The following RAB40C variants were observed in gnomAD, a reference collection of about 807,000 sequenced individuals.
The protein encoded by RAB40C is RAB40C, member RAS oncogene family, also known as ras-related protein Rab-40C.
In RAB40C, 8 loss-of-function variants were observed where a neutral mutation model predicts 28.1. That is an observed-to-expected ratio of 0.28 (90% CI 0.17 to 0.51). The LOEUF (loss-of-function observed/expected upper bound fraction) is 0.51. Among genes scored for constraint, RAB40C ranks in the 20% least tolerant of loss-of-function variants. The probability of loss-of-function intolerance (pLI) is 0.97; values close to 1 mark genes in which losing one functional copy is unlikely to be tolerated. For missense variants in RAB40C, 288 were observed against 405.9 expected, an observed-to-expected ratio of 0.71 and a Z score of 2.50; for synonymous variants, 201 against 171.7, an observed-to-expected ratio of 1.17 and a Z score of -1.34.
chr16:627,767 G>T lies in RAB40C; in HGVS notation c.*145G>T. On this transcript the variant is annotated 3_prime_UTR_variant, in exon 6 of 6. Coordinates refer to ENST00000248139, the MANE Select transcript of RAB40C (RefSeq NM_021168.5). Reference sequence around the variant, plus strand: ...CGGGCTTTCCTCACACCTGAGCCGGGTGCGAGGAGGAGCATGCACGGACCA... The same window carrying T: ...CGGGCTTTCCTCACACCTGAGCCGGTTGCGAGGAGGAGCATGCACGGACCA... 5.6e-6 allele frequency: 6 copies of T among 1,080,838 alleles called. No individual in the cohort carries two copies. Among genetic ancestry groups the T allele is most frequent in the Non-Finnish European group, 7.6e-6 (6 of 788,750 alleles). The allele number at this position is 1,080,838 out of a possible 1,614,324, so 67.0% of individuals were successfully genotyped here. A position where few individuals can be genotyped will look rare whatever the true frequency, so the allele number is the denominator to read the frequency against.
chr16:606,071 G>A (rs926210834), intron 1 of RAB40C, among the ~76,000 whole-genome samples: 1 of 152,224 alleles, frequency 6.6e-6, no homozygotes, highest in African/African-American at 2.4e-5. Context: ...GCAATAGATG[G>A]CCTTTCTACT....
At chr16:594,344 G>C (rs575461582) in intron 1 of RAB40C, among the ~76,000 whole-genome samples, 1 of 152,172 alleles carries the variant, frequency 6.6e-6, no homozygotes, top group South Asian at 2.1e-4. Context: ...GGGGAGAAAC[G>C]GAGGGAGGCG....
intron 3 of RAB40C, among the ~76,000 whole-genome samples, chr16:621,941 G>T (rs1190665742): frequency 6.6e-6 from 1 of 152,168 alleles, no homozygotes; most frequent in Non-Finnish European, 1.5e-5. Flanking sequence ...GAGTGGGCGC[G>T]GCTTGGCAGT....
intron 1 of RAB40C, among the ~76,000 whole-genome samples, chr16:604,001 T>TTCC (rs1199361490): frequency 6.6e-6 from 1 of 152,232 alleles, no homozygotes; most frequent in East Asian, 1.9e-4. Context: ...TTTGGGTTAT[T>TTCC]TCCTGGTTTG....
chr16:590,555 C>G (rs981401498), intron 1 of RAB40C, 122 bp downstream of exon 1: 2 of 1,269,856 alleles, frequency 1.6e-6, no homozygotes, highest in Admixed American at 4.1e-5. Context: ...ACGCCTTTGC[C>G]TGGCTTCCAG....
chr16:627,400 C>T lies in RAB40C; in HGVS notation c.624C>T (p.Leu208=). ...TCGTCTCCTGCACCCCCGTGCACCT[C>T]ATCGACAAGCTTCCACTGCCCGTCA... ...RAIVSCTPVH[L]IDKLPLPVTI... The change falls in exon 6 of 6, where the codon CTC becomes CTT. Residue 208 remains leucine, a synonymous_variant. Transcript: ENST00000248139. 1.2e-6 allele frequency: 2 copies of T among 1,613,980 alleles called. No homozygotes were observed. Among genetic ancestry groups the T allele is most frequent in the Non-Finnish European group, 1.7e-6 (2 of 1,180,004 alleles).
At position 619,652 on chromosome 16, in the gene RAB40C, T is replaced by C. The variant is rs1023868600; in HGVS notation, c.264+1392T>C. Among the ~76,000 whole-genome samples the C allele has an allele frequency of 4.6e-5, 7 of 152,204 alleles. No homozygotes were observed. The East Asian group carries it at 7.7e-4, about 17-fold the overall frequency. ...CCCCTCCGGGGCCAGTTCGTGAGCC[T>C]GGAGCCCCCCATGTGGGCCCAGGGA... is the stretch of plus-strand genomic sequence containing the variant. On this transcript the variant is annotated intron_variant, in intron 3 of 5. Transcript: ENST00000248139.
intron 1 of RAB40C, among the ~76,000 whole-genome samples, chr16:614,296 ACTG>A (rs552730205): frequency 0.01 from 1,451 of 138,356 alleles, 23 homozygotes; most frequent in Non-Finnish European, 0.018. Context: ...CCGATGGTGA[ACTG>A]CTAACTCTGC....
rs1281112534 is a variant in RAB40C, at chr16:610,954, A to G, written c.143-6254A>G. Among the ~76,000 whole-genome samples, 1 of 152,178 alleles carries G rather than the reference A, an allele frequency of 6.6e-6. No individual in the cohort carries two copies. The highest frequency in any genetic ancestry group is 1.5e-5 in the Non-Finnish European group (1 of 68,030). On this transcript the variant is annotated intron_variant, in intron 1 of 5. Transcript: ENST00000248139. This position sits in a 1 kb window ranked among gnomAD's most constrained non-coding sequence, Gnocchi z 4.6. ...ACAAGACACTCGGCTGACTGTGCTT[A>G]GAGAACAGGCCGCTGTTTGTGTCTA... is the stretch of plus-strand genomic sequence containing the variant.
intron 1 of RAB40C, among the ~76,000 whole-genome samples, chr16:608,262 C>T (rs1016684654): frequency 7.9e-5 from 12 of 152,132 alleles, no homozygotes; most frequent in African/African-American, 2.9e-4. Context: ...CGGGAGAACT[C>T]ACTCACCCGC....
chr16:624,719 A>G (rs2036790685), intron 3 of RAB40C: 1 of 985,228 alleles, frequency 1.0e-6, no homozygotes, highest in Non-Finnish European at 1.2e-6. Context: ...GTAGGGTGGG[A>G]GTGGACGTTG....
chr16:609,561 G>A (rs952907757), intron 1 of RAB40C, among the ~76,000 whole-genome samples: 5 of 152,104 alleles, frequency 3.3e-5, no homozygotes, highest in African/African-American at 9.7e-5. Flanking sequence ...CAGAATGTGA[G>A]GAAAGACCCA....
At chr16:606,072 C>T (rs188919424) in intron 1 of RAB40C, among the ~76,000 whole-genome samples, 2 of 152,378 alleles carry the variant, frequency 1.3e-5, no homozygotes, top group South Asian at 2.1e-4. Flanking sequence ...CAATAGATGG[C>T]CTTTCTACTC....
chr16:616,491 AC>A (rs1474236239), intron 1 of RAB40C, among the ~76,000 whole-genome samples: 1 of 151,842 alleles, frequency 6.6e-6, no homozygotes, highest in Non-Finnish European at 1.5e-5. Flanking sequence ...GGTGCCCACC[AC>A]CACACCTGGC....
intron 1 of RAB40C, among the ~76,000 whole-genome samples, chr16:613,122 C>T (rs1333051083): frequency 6.6e-5 from 8 of 122,096 alleles, no homozygotes; most frequent in Non-Finnish European, 1.0e-4. Flanking sequence ...GACAGCCGCC[C>T]TGGCCTGTAG....
At chr16:625,601 C>A in intron 4 of RAB40C, 92 bp downstream of exon 4, 2 of 1,307,736 alleles carry the variant, frequency 1.5e-6, no homozygotes, top group East Asian at 2.4e-5. Flanking sequence ...GCCTGCCGCC[C>A]CTCCTGTGGC....
chr16:617,133 A>G lies in RAB40C; in HGVS notation c.143-75A>G, dbSNP rs1016968702. On this transcript the variant is annotated intron_variant, in intron 1 of 5. Transcript: ENST00000248139. ...GCGTGGGTCTTGGCCCTGGGAGGCC[A>G]GTGGCCGAGGCTGGTCTCGCGGGCG... 6.6e-6 allele frequency: 10 copies of G among 1,506,636 alleles called. No homozygotes were observed. In the African/African-American group the frequency reaches 1.1e-4, roughly 17 times the overall value. 93.3% of individuals were successfully genotyped at this position (1,506,636 alleles called of 1,614,324 possible).
Position 617,244 on chromosome 16 carries a change from G to T in RAB40C, c.179G>T (p.Gly60Val). The change falls in exon 2 of 6, where the codon GGC (glycine) becomes GTC (valine). Residue 60 changes from glycine to valine, a missense_variant. Physicochemically the swap from Gly to Val is moderately radical, Grantham distance 109. This residue lies in a region of RAB40C where 78 missense variants were observed against 88.2 expected (regional missense o/e 0.88). Coordinates refer to ENST00000248139, the MANE Select transcript of RAB40C (RefSeq NM_021168.5). Reference sequence around the variant, plus strand: ...AAGACCACCACCATCCTGCTGGACGGCCGGCGCGTGAAGCTGGAGCTCTGG... The same window carrying T: ...AAGACCACCACCATCCTGCTGGACGTCCGGCGCGTGAAGCTGGAGCTCTGG... ...DYKTTTILLD[G>V]RRVKLELWDT... 1 of 1,614,140 alleles carries T rather than the reference G, an allele frequency of 6.2e-7. No homozygotes were observed. The highest frequency in any genetic ancestry group is 8.5e-7 in the Non-Finnish European group (1 of 1,180,010).
At chr16:605,014 T>C (rs1372997668) in intron 1 of RAB40C, among the ~76,000 whole-genome samples, 1 of 152,126 alleles carries the variant, frequency 6.6e-6, no homozygotes, top group Non-Finnish European at 1.5e-5. Context: ...GCTGAGATCA[T>C]GCCACTGCAC....
Sources: gnomAD v4.1 joint callset for allele counts (sites outside exome capture counted in the v4.1 genomes callset) on GRCh38, gnomAD v4.1.1 for gene constraint, gnomAD v4.1.1 regional missense constraint, Gnocchi (gnomAD v3.1) non-coding constraint, MANE v1.5 for transcripts, NCBI Gene and HGNC (gene_info 2026-07-23, HGNC 2026-07-21) for gene names.